The following C12orf50 variants were observed in gnomAD, a reference collection of about 807,000 sequenced individuals.
C12orf50 encodes the protein uncharacterized protein C12orf50.
Under a neutral mutation model 61.6 loss-of-function variants are expected in C12orf50, and 35 were observed. The ratio of observed to expected loss-of-function variants is 0.57; its 90% CI spans 0.43 to 0.75. The LOEUF (loss-of-function observed/expected upper bound fraction) is 0.75, where lower values mean the gene tolerates loss of function less well. Ranked by LOEUF, C12orf50 falls within the 30% of genes least tolerant of loss-of-function variation. C12orf50 has a pLI of 0.00. For synonymous variants in C12orf50, 178 were observed against 161.5 expected (o/e 1.10, Z -0.77); for missense variants, 475 against 488.5 (o/e 0.97, Z 0.26).
chr12:87,993,035 T>G (rs940698271), intron 7 of C12orf50, among the ~76,000 whole-genome samples: 2 of 152,148 alleles, frequency 1.3e-5, no homozygotes, highest in Non-Finnish European at 2.9e-5. Flanking sequence ...TTATGATGCC[T>G]GGAAAATCAA....
chr12:88,021,548 G>T (rs2032517389), intron 3 of C12orf50, among the ~76,000 whole-genome samples: 1 of 151,894 alleles, frequency 6.6e-6, no homozygotes, highest in Non-Finnish European at 1.5e-5. Context: ...TGAAGGAGGA[G>T]AATCACTTGA....
intron 11 of C12orf50, 53 bp downstream of exon 11, chr12:87,985,797 C>T: frequency 1.3e-6 from 2 of 1,581,498 alleles, no homozygotes; most frequent in Non-Finnish European, 1.7e-6. Flanking sequence ...CAAGAAATTC[C>T]ATGGGAATGC....
At chr12:88,015,126 T>C (rs2032263822) in intron 3 of C12orf50, among the ~76,000 whole-genome samples, 1 of 152,184 alleles carries the variant, frequency 6.6e-6, no homozygotes, top group African/African-American at 2.4e-5. Flanking sequence ...GGCATTTTCT[T>C]ATCCCCTCTC....
chr12:87,989,460 T>G, intron 7 of C12orf50, 89 bp from the exon 8 acceptor site: 1 of 846,980 alleles, frequency 1.2e-6, no homozygotes, highest in South Asian at 1.5e-5. Flanking sequence ...ACAATACCCC[T>G]TTTGTTCACC....
intron 3 of C12orf50, among the ~76,000 whole-genome samples, chr12:88,021,196 A>G (rs1201042751): frequency 6.6e-6 from 1 of 152,134 alleles, no homozygotes; most frequent in African/African-American, 2.4e-5. Context: ...GCTGAACTGA[A>G]GGAAATGGAG....
intron 8 of C12orf50, 66 bp downstream of exon 8, chr12:87,989,198 A>C: frequency 8.9e-7 from 1 of 1,127,970 alleles, no homozygotes; most frequent in Non-Finnish European, 1.3e-6. Flanking sequence ...TTTTATAACA[A>C]GCAAGCTTGT....
intron 3 of C12orf50, among the ~76,000 whole-genome samples, chr12:88,019,140 C>T (rs2032421002): frequency 6.6e-6 from 1 of 152,090 alleles, no homozygotes; most frequent in African/African-American, 2.4e-5. Context: ...ATTGTAACTC[C>T]CACAATTCCC....
intron 3 of C12orf50, among the ~76,000 whole-genome samples, chr12:88,001,831 G>A (rs2031668446): frequency 6.6e-6 from 1 of 151,528 alleles, no homozygotes; most frequent in Admixed American, 6.6e-5. Flanking sequence ...AATATTGGGA[G>A]TGATGTCTCA....
intron 3 of C12orf50, among the ~76,000 whole-genome samples, chr12:88,026,173 T>C (rs756803512): frequency 2.0e-5 from 3 of 152,178 alleles, no homozygotes; most frequent in Non-Finnish European, 4.4e-5. Context: ...GCTTCAGTTG[T>C]GCGATACTTT....
chr12:88,002,288 T>C (rs2031685234), intron 3 of C12orf50, among the ~76,000 whole-genome samples: 1 of 151,818 alleles, frequency 6.6e-6, no homozygotes, highest in Non-Finnish European at 1.5e-5. Context: ...TCCATATATT[T>C]GTAAATGTCT....
intron 12 of C12orf50, among the ~76,000 whole-genome samples, chr12:87,982,451 G>A (rs2030538026): frequency 6.6e-6 from 1 of 152,162 alleles, no homozygotes; most frequent in Non-Finnish European, 1.5e-5. Flanking sequence ...GAAATGTTCA[G>A]TTGTCTGAGA....
At position 87,986,315 on chromosome 12, in the gene C12orf50, T is replaced by G; in HGVS notation, c.919A>C (p.Arg307=). 1 of 1,585,974 alleles carries G rather than the reference T, an allele frequency of 6.3e-7. No individual in the cohort carries two copies. The highest frequency in any genetic ancestry group is 8.6e-7 in the Non-Finnish European group (1 of 1,162,464). ...PQNFPNSGMQ[R]AVQAPRPQNK... The stretch of plus-strand genomic sequence containing the variant: ...ATCAAATATATAGACACCTTACCTC[T>G]CTGCATTCCAGAGTTAGGAAAGTTC... The change falls in exon 10 of 13, where the codon AGA becomes CGA. Residue 307 remains arginine (R), a synonymous_variant. Coordinates refer to ENST00000298699, the MANE Select transcript of C12orf50 (RefSeq NM_152589.3).
intron 3 of C12orf50, among the ~76,000 whole-genome samples, chr12:87,999,254 T>A (rs1269767060): frequency 1.3e-5 from 2 of 151,802 alleles, no homozygotes; most frequent in African/African-American, 4.8e-5. Context: ...CTAAACCCTA[T>A]CTCCACAAAA....
At chr12:88,020,237 A>G (rs1003199891) in intron 3 of C12orf50, among the ~76,000 whole-genome samples, 4 of 152,234 alleles carry the variant, frequency 2.6e-5, no homozygotes, top group African/African-American at 9.6e-5. Flanking sequence ...TAAAAGGCAC[A>G]GAGTTGCAAG....
intron 3 of C12orf50, among the ~76,000 whole-genome samples, chr12:88,022,913 G>A (rs1164656240): frequency 3.3e-5 from 5 of 152,100 alleles, no homozygotes; most frequent in African/African-American, 4.8e-5. Flanking sequence ...TCAACACCAT[G>A]AAAATGGCAA....
intron 1 of C12orf50, chr12:88,027,998 T>C (rs2032769338): frequency 6.6e-6 from 1 of 152,214 alleles, no homozygotes; most frequent in African/African-American, 2.4e-5. Context: ...CACTTGCCCA[T>C]TGTCACAAAG....
intron 3 of C12orf50, among the ~76,000 whole-genome samples, chr12:88,006,208 G>A (rs185029408): frequency 7.2e-5 from 11 of 152,128 alleles, no homozygotes; most frequent in African/African-American, 2.4e-4. Flanking sequence ...GAGCCACCGC[G>A]CCTGGCCCAA....
intron 12 of C12orf50, 132 bp from the exon 13 acceptor site, chr12:87,980,488 A>G (rs1033907426): frequency 1.3e-6 from 1 of 764,888 alleles, no homozygotes; most frequent in Non-Finnish European, 2.1e-6. Flanking sequence ...TTAACTTATA[A>G]ATTTTCAAAA....
At chr12:88,010,285 G>C (rs1235213204) in intron 3 of C12orf50, among the ~76,000 whole-genome samples, 1 of 151,676 alleles carries the variant, frequency 6.6e-6, no homozygotes, top group Admixed American at 6.6e-5. Context: ...AGCATCTCTT[G>C]ACTATTTCTG....
Sources: allele counts gnomAD v4.1 joint callset (sites outside exome capture counted in the v4.1 genomes callset), GRCh38; gene constraint gnomAD v4.1.1; transcripts MANE v1.5; gene names NCBI Gene and HGNC (gene_info 2026-07-23, HGNC 2026-07-21).